DPP10: variants seen among roughly 807,000 people sequenced by gnomAD.
The protein encoded by DPP10 is dipeptidyl peptidase like 10, also known as inactive dipeptidyl peptidase 10.
A neutral mutation model predicts 120.9 loss-of-function variants in DPP10; 33 were observed. The observed-to-expected ratio is 0.27, with a 90% CI of 0.21 to 0.37. The LOEUF is 0.37. Among genes scored for constraint, DPP10 ranks in the 10% least tolerant of loss-of-function variants. The probability of loss-of-function intolerance (pLI) is 1.00; values close to 1 mark genes in which losing one functional copy is unlikely to be tolerated. For synonymous variants in DPP10, 337 were observed against 326.1 expected, an observed-to-expected ratio of 1.03 and a Z score of -0.36; for missense variants, 816 against 942.8, an observed-to-expected ratio of 0.87 and a Z score of 1.76.
chr2:115,603,485 C>G (rs1477847313), intron 5 of DPP10, among the ~76,000 whole-genome samples: 9 of 150,992 alleles, frequency 6.0e-5, no homozygotes, highest in Non-Finnish European at 1.2e-4. Flanking sequence ...AGCTCAGGCC[C>G]TGGTGTAACG....
At chr2:114,612,589 A>G (rs895173981) in intron 1 of DPP10, among the ~76,000 whole-genome samples, 2 of 152,062 alleles carry the variant, frequency 1.3e-5, no homozygotes, top group African/African-American at 4.8e-5. Flanking sequence ...GCTATCCTAA[A>G]CCTCATTATT....
chr2:114,788,392 AT>A (rs2106224771), intron 1 of DPP10, among the ~76,000 whole-genome samples: 1 of 151,662 alleles, frequency 6.6e-6, no homozygotes, highest in East Asian at 1.9e-4. Context: ...TAGTTGAATT[AT>A]TGCACATGGA....
At chr2:115,716,820 G>A (rs930521970) in intron 7 of DPP10, among the ~76,000 whole-genome samples, 1 of 152,058 alleles carries the variant, frequency 6.6e-6, no homozygotes, top group Non-Finnish European at 1.5e-5. Context: ...GTGCATGGGA[G>A]ATAACCAAGC....
chr2:115,237,569 G>T (rs1028154148), intron 1 of DPP10, among the ~76,000 whole-genome samples: 7 of 152,110 alleles, frequency 4.6e-5, no homozygotes, highest in Non-Finnish European at 2.9e-5. Context: ...TAATGAGGAA[G>T]GCATGTCAAT....
chr2:115,596,811 G>A (rs2083016767), intron 5 of DPP10, among the ~76,000 whole-genome samples: 1 of 152,062 alleles, frequency 6.6e-6, no homozygotes, highest in African/African-American at 2.4e-5. Context: ...TTTAAACAAT[G>A]GTAAACACTT....
chr2:115,177,091 G>T (rs544603998), intron 1 of DPP10, among the ~76,000 whole-genome samples: 6 of 152,036 alleles, frequency 3.9e-5, no homozygotes, highest in Admixed American at 3.9e-4. Context: ...TTTTAAATTC[G>T]TTTGTCATCC....
intron 1 of DPP10, among the ~76,000 whole-genome samples, chr2:114,538,032 T>C (rs1273462067): frequency 2.0e-5 from 3 of 152,252 alleles, no homozygotes; most frequent in Non-Finnish European, 4.4e-5. Context: ...ACCTTGACTA[T>C]CTTAGCCAGG....
At chr2:114,840,939 G>A (rs1286577105) in intron 1 of DPP10, among the ~76,000 whole-genome samples, 2 of 152,028 alleles carry the variant, frequency 1.3e-5, no homozygotes, top group Non-Finnish European at 2.9e-5. Flanking sequence ...CCTTACATAT[G>A]TAAATCACAT....
At chr2:115,717,353 C>T (rs1244647136) in intron 7 of DPP10, among the ~76,000 whole-genome samples, 2 of 152,054 alleles carry the variant, frequency 1.3e-5, no homozygotes, top group Non-Finnish European at 1.5e-5. Flanking sequence ...ACGTTGTGCA[C>T]ATGTACCCTA....
At chr2:115,154,841 A>G (rs181113300) in intron 1 of DPP10, among the ~76,000 whole-genome samples, 33 of 151,866 alleles carry the variant, frequency 2.2e-4, no homozygotes, top group African/African-American at 7.2e-4. Context: ...GACAATTAGG[A>G]TGCTGAACAA....
chr2:115,106,586 G>C (rs953552327), intron 1 of DPP10, among the ~76,000 whole-genome samples: 1 of 152,018 alleles, frequency 6.6e-6, no homozygotes, highest in South Asian at 2.1e-4. Flanking sequence ...TCAGCTCCCC[G>C]AGTAGCTGGG....
chr2:114,986,824 G>T (rs1700424926), intron 1 of DPP10, among the ~76,000 whole-genome samples: 1 of 152,148 alleles, frequency 6.6e-6, no homozygotes, highest in Admixed American at 6.5e-5. Flanking sequence ...AGGCTGGAGT[G>T]CAGTGGCGCA....
chr2:115,348,822 A>G (rs966057767), intron 3 of DPP10, among the ~76,000 whole-genome samples: 1 of 152,134 alleles, frequency 6.6e-6, no homozygotes, highest in East Asian at 1.9e-4. Flanking sequence ...CATGAGTTTG[A>G]CAACACCTGC....
At chr2:114,531,435 A>C (rs1035776809) in intron 1 of DPP10, among the ~76,000 whole-genome samples, 17 of 151,578 alleles carry the variant, frequency 1.1e-4, no homozygotes, top group African/African-American at 4.1e-4. Context: ...GAGAGAAAGA[A>C]TTGACATGAG....
chr2:115,840,750 C>G lies in DPP10; in HGVS notation c.2183C>G (p.Thr728Arg). Residue 728 changes from threonine (T) to arginine (R), a missense_variant and splice_region_variant, in exon 25 of 26, where the codon ACA (threonine) becomes AGA (arginine). Coordinates refer to ENST00000410059, the MANE Select transcript of DPP10 (RefSeq NM_020868.6). ...NILIIHGTAD[T>R]KVHFQHSAEL... is the part of the protein sequence containing the mutation. The stretch of plus-strand genomic sequence containing the variant: ...GATATCATAATTTGATTTCTTGCAG[C>G]AAAAGTTCATTTCCAACACTCAGCA... 1 of 1,613,076 alleles carries G rather than the reference C, an allele frequency of 6.2e-7. No individual in the cohort carries two copies. The highest frequency in any genetic ancestry group is 8.5e-7 in the Non-Finnish European group (1 of 1,179,612).
Position 114,649,444 on chromosome 2 carries a change from G to A in DPP10, c.60+206606G>A, listed in dbSNP as rs1696404319. Among the ~76,000 whole-genome samples the A allele has an allele frequency of 4.0e-5, 6 of 151,832 alleles. No homozygotes were observed. In the South Asian group the frequency reaches 1.2e-3, roughly 32 times the overall value. ...GCTCACTGCAACCTCCGCCTCCCGG[G>A]TTCACGCCATTCTCCTGCCTGATTC... On this transcript the variant is annotated intron_variant, in intron 1 of 25. Transcript: ENST00000410059.
At chr2:115,553,142 T>C (rs954242708) in intron 5 of DPP10, among the ~76,000 whole-genome samples, 1 of 152,106 alleles carries the variant, frequency 6.6e-6, no homozygotes, top group Non-Finnish European at 1.5e-5. Flanking sequence ...CACTCTTGCA[T>C]TATTCATGTA....
intron 1 of DPP10, among the ~76,000 whole-genome samples, chr2:114,485,072 T>C (rs1377284319): frequency 2.0e-5 from 3 of 152,178 alleles, no homozygotes; most frequent in East Asian, 1.9e-4. Context: ...GACAAAGCTC[T>C]GTGGAGTGGG....
intron 5 of DPP10, among the ~76,000 whole-genome samples, chr2:115,615,485 C>G (rs552333715): frequency 1.2e-4 from 18 of 152,166 alleles, no homozygotes; most frequent in African/African-American, 4.3e-4. Context: ...TCTGCTCTTA[C>G]GATTACACCA....
Sources: gnomAD v4.1 joint callset for allele counts (sites outside exome capture counted in the v4.1 genomes callset) on GRCh38, gnomAD v4.1.1 for gene constraint, MANE v1.5 for transcripts, NCBI Gene and HGNC (gene_info 2026-07-23, HGNC 2026-07-21) for gene names.